Variants in MYH2 observed in about 807,000 individuals in gnomAD.
MYH2 encodes the protein myosin heavy chain 2, also known as myosin-2.
Under a neutral mutation model 228.1 loss-of-function variants are expected in MYH2, and 139 were observed. That is an observed-to-expected ratio of 0.61 (90% CI 0.53 to 0.70). The LOEUF (loss-of-function observed/expected upper bound fraction) is 0.70. Among genes scored for constraint, MYH2 ranks in the 30% least tolerant of loss-of-function variants. MYH2 has a pLI of 0.00. For missense variants in MYH2, 1,809 were observed against 2,357.5 expected, an observed-to-expected ratio of 0.77 and a Z score of 4.82; for synonymous variants, 796 against 871.1, an observed-to-expected ratio of 0.91 and a Z score of 1.52.
chr17:10,544,167 C>A (rs1398026516), intron 5 of MYH2, 40 bp from the exon 6 acceptor site: 23 of 1,602,246 alleles, frequency 1.4e-5, no homozygotes, highest in Non-Finnish European at 1.7e-5. Flanking sequence ...TGTTTTCTTA[C>A]ATATTTGTAA....
In MYH2 at chr17:10,525,370, G is replaced by A. The variant is rs1239446763; in HGVS notation, c.4538-22C>T. ...TCCTCTGTTGTTTGAGTAAAAGACA[G>A]GTAGGGATTTGGTTAAACATGTGAC... On this transcript the variant is annotated intron_variant, in intron 32 of 39. Coordinates refer to ENST00000245503, the MANE Select transcript of MYH2 (RefSeq NM_017534.6). This position sits in a 1 kb window ranked among gnomAD's most constrained non-coding sequence, Gnocchi z 4.2. 6.2e-7 allele frequency: 1 copy of A among 1,614,118 alleles called. No homozygotes were observed. Among genetic ancestry groups the A allele is most frequent in the Non-Finnish European group, 8.5e-7 (1 of 1,180,020 alleles).
chr17:10,523,565 G>C lies in MYH2; in HGVS notation c.5403C>G (p.Leu1801=), dbSNP rs2073310641. 2.5e-6 allele frequency: 4 copies of C among 1,614,164 alleles called. No individual in the cohort carries two copies. The highest frequency in any genetic ancestry group is 3.4e-6 in the Non-Finnish European group (4 of 1,180,034). ...CCAGCTGCTCAGCCTCATCCAGACG[G>C]AGCTGCAGATCCTTCACGGTCTGCT... ...NMEQTVKDLQ[L]RLDEAEQLAL... Residue 1801 remains leucine (L), a synonymous_variant, in exon 37 of 40, where the codon CTC becomes CTG. Coordinates refer to ENST00000245503, the MANE Select transcript of MYH2 (RefSeq NM_017534.6).
rs73974757 is a variant in MYH2 at position 10,526,360 on chromosome 17, G to A, written c.4187+239C>T. 3.8e-3 allele frequency among the ~76,000 whole-genome samples: 580 copies of A among 152,274 alleles called. 2 individuals are homozygous for A. Among genetic ancestry groups the A allele is most frequent in the African/African-American group, 0.013 (533 of 41,554 alleles). On this transcript the variant is annotated intron_variant, in intron 30 of 39. Coordinates refer to ENST00000245503, the MANE Select transcript of MYH2 (RefSeq NM_017534.6). ...ATTGTGCTTGACAAACAGCAATGAGGCCCCTAATTATCAGTGTAATTATTT... is the reference window on the plus strand; with the variant it reads ...ATTGTGCTTGACAAACAGCAATGAGACCCCTAATTATCAGTGTAATTATTT...
chr17:10,528,501 C>G (rs1304127472), intron 27 of MYH2, among the ~76,000 whole-genome samples, 189 bp downstream of exon 27: 1 of 152,022 alleles, frequency 6.6e-6, no homozygotes, highest in Non-Finnish European at 1.5e-5. Flanking sequence ...GGTCAAAGTG[C>G]TTGGCCTCTT....
Position 10,529,971 on chromosome 17 carries a change from T to A in MYH2, c.2801A>T (p.Asp934Val), listed in dbSNP as rs764469097. ...KIKEVTERAE[D>V]EEEINAELTA... is the part of the protein sequence containing the mutation. Reference sequence around the variant, plus strand: ...CAGCTCAGCATTGATCTCTTCCTCATCCTCAGCTCTCTCAGTCACCTCTTT... The same window carrying A: ...CAGCTCAGCATTGATCTCTTCCTCAACCTCAGCTCTCTCAGTCACCTCTTT... The change falls in exon 23 of 40, where the codon GAT becomes GTT. Residue 934 changes from aspartate (D) to valine (V), a missense_variant. By Grantham distance (152) the Asp-to-Val change is radical. Coordinates refer to ENST00000245503, the MANE Select transcript of MYH2 (RefSeq NM_017534.6). 8.1e-6 allele frequency: 13 copies of A among 1,613,966 alleles called. No individual in the cohort carries two copies. The highest frequency in any genetic ancestry group is 1.1e-5 in the South Asian group (1 of 91,082).
rs1225193076 is a variant in MYH2 at position 10,539,367 on chromosome 17, A to G, written c.1267-13T>C. 6.2e-7 allele frequency: 1 copy of G among 1,614,156 alleles called. No homozygotes were observed. The highest frequency in any genetic ancestry group is 2.2e-5 in the East Asian group (1 of 44,880). ...CTGCGTTGGACACCTTAAAAGACAA[A>G]ATTATAACTCTCGAAGTTATTAAAG... On this transcript the variant is annotated splice_polypyrimidine_tract_variant and intron_variant, in intron 13 of 39. Coordinates refer to ENST00000245503, the MANE Select transcript of MYH2 (RefSeq NM_017534.6).
In MYH2 at chr17:10,523,137, T is replaced by C; in HGVS notation, c.5626A>G (p.Lys1876Glu). 1 of 1,614,144 alleles carries C rather than the reference T, an allele frequency of 6.2e-7. No individual in the cohort carries two copies. The highest frequency in any genetic ancestry group is 8.5e-7 in the Non-Finnish European group (1 of 1,179,962). Residue 1876 changes from lysine (K) to glutamate (E), a missense_variant, in exon 39 of 40, where the codon AAA becomes GAA. Lys to Glu is a moderately conservative substitution (Grantham distance 56, BLOSUM62 1). Around this residue, in one of 9 missense-constraint regions of MYH2, gnomAD observed 278 missense variants for 308.5 expected, o/e 0.90. Transcript: ENST00000245503. ...TAAGATTTCACTTTTGCCTGAAGTT[T>C]ATCTACCAAATCTTGAAGCCTGAGA... ...NILRLQDLVD[K>E]LQAKVKSYKR...
intron 39 of MYH2, among the ~76,000 whole-genome samples, chr17:10,521,868 C>G (rs2073289565): frequency 1.3e-5 from 2 of 152,026 alleles, no homozygotes; most frequent in Admixed American, 1.3e-4. Context: ...TGGCACATTT[C>G]AAAATGGTTA....
intron 10 of MYH2, among the ~76,000 whole-genome samples, chr17:10,541,763 T>C (rs2073558330): frequency 6.6e-6 from 1 of 152,140 alleles, no homozygotes; most frequent in Non-Finnish European, 1.5e-5. Context: ...AATTTCTCTC[T>C]TTTGTACTCT....
At chr17:10,544,239 A>C in intron 5 of MYH2, 112 bp from the exon 6 acceptor site, 1 of 1,346,252 alleles carries the variant, frequency 7.4e-7, no homozygotes, top group Admixed American at 2.0e-5. Flanking sequence ...TGCAACCTTT[A>C]GGGCTTGGCA....
At chr17:10,545,231 C>CTTT in intron 5 of MYH2, 115 bp downstream of exon 5, 1 of 1,585,378 alleles carries the variant, frequency 6.3e-7, no homozygotes, top group Non-Finnish European at 8.6e-7. Context: ...ATAAATACAC[C>CTTT]AGCCTCAACT....
chr17:10,525,448 T>TA lies in MYH2; in HGVS notation c.4537+2dup. 2 of 1,614,196 alleles carry TA rather than the reference T, an allele frequency of 1.2e-6. No individual in the cohort carries two copies. Among genetic ancestry groups the TA allele is most frequent in the Non-Finnish European group, 1.7e-6 (2 of 1,180,028 alleles). ...AATATTATTGAATATGATAGGGACT[T>TA]ACGCTGTAAGTTTTTGTTCTCTCGC... On this transcript the variant is annotated splice_region_variant and intron_variant, in intron 32 of 39. Coordinates refer to ENST00000245503, the MANE Select transcript of MYH2 (RefSeq NM_017534.6). The surrounding 1 kb of genome is among the most constrained non-coding windows in gnomAD (Gnocchi z 4.2).
rs753025570 is a variant in MYH2, at chr17:10,531,681, C to T, written c.2649G>A (p.Met883Ile). ...CATTTTTTTCTTTCAACAGCGTCAC[C>T]ATCTTTTCTTCCAGTTCCTTCCTTT... ...EAKRKELEEK[M>I]VTLLKEKNDL... The change falls in exon 22 of 40, where the codon ATG becomes ATA. Residue 883 changes from methionine to isoleucine, a missense_variant. By Grantham distance (10) the Met-to-Ile change is conservative. This residue lies in a region of MYH2 where 276 missense variants were observed against 344.2 expected (regional missense o/e 0.80). Transcript: ENST00000245503. The T allele has an allele frequency of 2.5e-6, 4 of 1,614,190 alleles. No individual in the cohort carries two copies. In the African/African-American group the frequency reaches 5.3e-5, roughly 22 times the overall value.
Position 10,528,816 on chromosome 17 carries a change from C to T in MYH2, c.3618G>A (p.Val1206=). 3 of 1,614,210 alleles carry T rather than the reference C, an allele frequency of 1.9e-6. No homozygotes were observed. The highest frequency in any genetic ancestry group is 2.5e-6 in the Non-Finnish European group (3 of 1,180,032). Residue 1206 remains valine (V), a synonymous_variant, in exon 27 of 40, where the codon GTG becomes GTA. Transcript: ENST00000245503. ...TGTCAATCTGCTCCCCAAGCTCGGC[C>T]ACACTATCTGCATGCTTCTTCCTCA... ...ATLRKKHADS[V]AELGEQIDNL...
rs778595649 is a variant in MYH2 at position 10,547,474 on chromosome 17, C to G, written c.348+1G>C. 2 of 1,613,972 alleles carry G rather than the reference C, an allele frequency of 1.2e-6. No individual in the cohort carries two copies. Among genetic ancestry groups the G allele is most frequent in the African/African-American group, 1.3e-5 (1 of 74,906 alleles). ...ACAGAGCACTGGCAGGGGACACTCA[C>G]GTAGATCATCCAGGCTGCATAACGT... On this transcript the variant is annotated splice_donor_variant, in intron 4 of 39. Transcript: ENST00000245503. LOFTEE classifies it high-confidence loss of function.
intron 4 of MYH2, among the ~76,000 whole-genome samples, chr17:10,546,713 G>A (rs144453323): frequency 4.9e-4 from 74 of 151,838 alleles, no homozygotes; most frequent in African/African-American, 1.7e-3. Context: ...CAGATAGAAG[G>A]GACCAGAACA....
At position 10,524,388 on chromosome 17, in the gene MYH2, T is replaced by C. The variant is rs1349829158; in HGVS notation, c.5175+78A>G. 2 of 1,572,192 alleles carry C rather than the reference T, an allele frequency of 1.3e-6. No homozygotes were observed. Among genetic ancestry groups the C allele is most frequent in the Non-Finnish European group, 8.8e-7 (1 of 1,141,998 alleles). On this transcript the variant is annotated intron_variant, in intron 35 of 39. Transcript: ENST00000245503. The surrounding 1 kb of genome is among the most constrained non-coding windows in gnomAD (Gnocchi z 4.7). ...ATTTGATAGACATATTAGGTCTAGC[T>C]GTCTTATGAAAACTCAGGCTTATCT...
Position 10,533,439 on chromosome 17 carries a change from T to A in MYH2, c.2305-18A>T. ...AAAAAGACCTGTGAATGGAAAGAGT[T>A]GCAAATCACAAGCTTTAATAAAGTT... On this transcript the variant is annotated intron_variant, in intron 20 of 39. Coordinates refer to ENST00000245503, the MANE Select transcript of MYH2 (RefSeq NM_017534.6). 6.2e-7 allele frequency: 1 copy of A among 1,614,104 alleles called. No homozygotes were observed. The highest frequency in any genetic ancestry group is 8.5e-7 in the Non-Finnish European group (1 of 1,180,014).
Position 10,531,726 on chromosome 17 carries a change from T to C in MYH2, c.2604A>G (p.Glu868=). Residue 868 remains glutamate, a synonymous_variant, in exon 22 of 40, where the codon GAA becomes GAG. Transcript: ENST00000245503. ...TCCTTTTTGCCTCTGACTTGGCAAG[T>C]TCGTCTTTAATTTTCTGAAATTCTT... is the stretch of plus-strand genomic sequence containing the variant. ...MKEEFQKIKD[E]LAKSEAKRKE... is the part of the protein sequence containing the mutation. The C allele has an allele frequency of 6.2e-7, 1 of 1,614,220 alleles. No individual in the cohort carries two copies. The highest frequency in any genetic ancestry group is 1.1e-5 in the South Asian group (1 of 91,090).
Sources: gnomAD v4.1 joint callset for allele counts (sites outside exome capture counted in the v4.1 genomes callset) on GRCh38, gnomAD v4.1.1 for gene constraint, gnomAD v4.1.1 regional missense constraint, Gnocchi (gnomAD v3.1) non-coding constraint, MANE v1.5 for transcripts, NCBI Gene and HGNC (gene_info 2026-07-23, HGNC 2026-07-21) for gene names.